CCDC85A: variants seen among roughly 807,000 people sequenced by gnomAD.
The protein encoded by CCDC85A is coiled-coil domain containing 85A.
Under a neutral mutation model 50.2 loss-of-function variants are expected in CCDC85A, and 38 were observed. The ratio of observed to expected loss-of-function variants is 0.76; its 90% CI spans 0.58 to 0.99. The LOEUF (loss-of-function observed/expected upper bound fraction) is 0.99. Among genes scored for constraint, CCDC85A ranks in the 50% least tolerant of loss-of-function variants. The probability of loss-of-function intolerance (pLI) is 0.00; values close to 1 mark genes in which losing one functional copy is unlikely to be tolerated. For missense variants in CCDC85A, 820 were observed against 742.0 expected (o/e 1.11, Z -1.22); for synonymous variants, 366 against 301.4 (o/e 1.21, Z -2.22).
At chr2:56,267,562 G>A (rs997619710) in intron 2 of CCDC85A, among the ~76,000 whole-genome samples, 2 of 152,152 alleles carry the variant, frequency 1.3e-5, no homozygotes, top group African/African-American at 4.8e-5. Context: ...ATGACTGTGG[G>A]GCGCCAACAT....
intron 2 of CCDC85A, among the ~76,000 whole-genome samples, chr2:56,322,132 A>G (rs544440244): frequency 3.3e-5 from 5 of 152,360 alleles, no homozygotes; most frequent in African/African-American, 1.2e-4. Context: ...CACCTTATAC[A>G]AAAATCAATT....
chr2:56,316,927 T>C (rs1240096077), intron 2 of CCDC85A, among the ~76,000 whole-genome samples: 5 of 152,160 alleles, frequency 3.3e-5, no homozygotes, highest in African/African-American at 1.2e-4. Flanking sequence ...TTTTTCTTTT[T>C]GTATGTCTTA....
intron 3 of CCDC85A, among the ~76,000 whole-genome samples, chr2:56,356,729 A>AGG (rs11397232): frequency 7.3e-6 from 1 of 137,820 alleles, no homozygotes; most frequent in Non-Finnish European, 1.6e-5. Flanking sequence ...TTCCATCTCA[A>AGG]GGAAAAAAAA....
intron 2 of CCDC85A, among the ~76,000 whole-genome samples, chr2:56,228,818 T>C (rs571986033): frequency 2.0e-5 from 3 of 152,058 alleles, no homozygotes; most frequent in South Asian, 2.1e-4. Flanking sequence ...CAGGCATGAG[T>C]CACCACACCA....
intron 2 of CCDC85A, among the ~76,000 whole-genome samples, chr2:56,272,958 G>A (rs1356227237): frequency 6.6e-5 from 10 of 152,070 alleles, no homozygotes; most frequent in Non-Finnish European, 1.5e-5. Flanking sequence ...AAAGAGAGAG[G>A]AAGTGAAGCC....
chr2:56,201,847 A>G (rs1204667637), intron 2 of CCDC85A, among the ~76,000 whole-genome samples: 2 of 152,314 alleles, frequency 1.3e-5, no homozygotes, highest in Admixed American at 6.5e-5. Flanking sequence ...ACTTAAAGCC[A>G]TAAAGTATAC....
At position 56,277,061 on chromosome 2, in the gene CCDC85A, G is replaced by A. The variant is rs527887544; in HGVS notation, c.1241-65818G>A. ...TGAGCTGCTGGGACTCTCTGAGGCC[G>A]CAGAGTCCTCTCTTTCTGATTATTC... On this transcript the variant is annotated intron_variant, in intron 2 of 5. Transcript: ENST00000407595. Among the ~76,000 whole-genome samples, 29 of 152,282 alleles carry A rather than the reference G, an allele frequency of 1.9e-4. No homozygotes were observed. In the Middle Eastern group the frequency reaches 0.01, roughly 54 times the overall value.
intron 2 of CCDC85A, among the ~76,000 whole-genome samples, chr2:56,203,542 C>G (rs1676832227): frequency 6.6e-6 from 1 of 152,134 alleles, no homozygotes; most frequent in South Asian, 2.1e-4. Flanking sequence ...ATAAATCTAT[C>G]TTCAGTGGAA....
chr2:56,301,527 T>C (rs559977880), intron 2 of CCDC85A, among the ~76,000 whole-genome samples: 3 of 152,288 alleles, frequency 2.0e-5, no homozygotes, highest in African/African-American at 7.2e-5. Flanking sequence ...GAATAATTAT[T>C]TTTTTGATAA....
chr2:56,229,764 T>C (rs1290727294), intron 2 of CCDC85A, among the ~76,000 whole-genome samples: 2 of 152,110 alleles, frequency 1.3e-5, no homozygotes, highest in African/African-American at 4.8e-5. Context: ...TGAAAAATGA[T>C]CAATTTTTCA....
rs539827986 is a variant in CCDC85A at position 56,189,864 on chromosome 2, T to C, written c.277-2613T>C. 8.5e-5 allele frequency among the ~76,000 whole-genome samples: 13 copies of C among 152,200 alleles called. No individual in the cohort carries two copies. In the East Asian group the frequency reaches 1.7e-3, roughly 20 times the overall value. ...GTGGGTGAGGGGAAGGAGTGGATGG[T>C]GCAAACAAAGGCAGGGAGGCTGCCT... On this transcript the variant is annotated intron_variant, in intron 1 of 5. Coordinates refer to ENST00000407595, the MANE Select transcript of CCDC85A (RefSeq NM_001080433.2).
chr2:56,255,433 T>G (rs886719139), intron 2 of CCDC85A, among the ~76,000 whole-genome samples: 1 of 151,930 alleles, frequency 6.6e-6, no homozygotes, highest in African/African-American at 2.4e-5. Flanking sequence ...GAGGAAGGGA[T>G]AGACAGGGTG....
intron 2 of CCDC85A, among the ~76,000 whole-genome samples, chr2:56,195,301 C>T (rs77474398): frequency 0.028 from 4,188 of 152,246 alleles, 198 homozygotes; most frequent in African/African-American, 0.095. Flanking sequence ...GATGACATTA[C>T]CTCATAGCTT....
At chr2:56,354,120 A>G (rs1675104960) in intron 3 of CCDC85A, among the ~76,000 whole-genome samples, 1 of 152,260 alleles carries the variant, frequency 6.6e-6, no homozygotes, top group Non-Finnish European at 1.5e-5. Context: ...GAGGCATGAC[A>G]TTTCACAGAG....
intron 2 of CCDC85A, among the ~76,000 whole-genome samples, chr2:56,247,927 C>T (rs1453602951): frequency 6.6e-6 from 1 of 152,162 alleles, no homozygotes; most frequent in Non-Finnish European, 1.5e-5. Flanking sequence ...AGGCCCAAGC[C>T]ATTCAGAGAG....
At chr2:56,286,191 AGTT>A in intron 2 of CCDC85A, among the ~76,000 whole-genome samples, 1 of 152,062 alleles carries the variant, frequency 6.6e-6, no homozygotes, top group East Asian at 1.9e-4. Flanking sequence ...TTATGTGCCT[AGTT>A]GTAATTTGTT....
intron 2 of CCDC85A, among the ~76,000 whole-genome samples, chr2:56,237,741 AT>A (rs5831405): frequency 0.52 from 78,104 of 148,882 alleles, 20,598 homozygotes; most frequent in Middle Eastern, 0.74. Context: ...CTAACCATTA[AT>A]TTTTTTTTTT....
At chr2:56,212,840 C>A (rs1253286511) in intron 2 of CCDC85A, among the ~76,000 whole-genome samples, 2 of 151,938 alleles carry the variant, frequency 1.3e-5, no homozygotes. Flanking sequence ...AGCTTCATGT[C>A]ACTGGGGACA....
chr2:56,380,688 A>G (rs1267991563), intron 5 of CCDC85A, among the ~76,000 whole-genome samples: 1 of 152,178 alleles, frequency 6.6e-6, no homozygotes, highest in East Asian at 1.9e-4. Context: ...CAACGCAATC[A>G]TTAATATGGC....
Sources: allele counts gnomAD v4.1 joint callset (sites outside exome capture counted in the v4.1 genomes callset), GRCh38; gene constraint gnomAD v4.1.1; transcripts MANE v1.5; gene names NCBI Gene and HGNC (gene_info 2026-07-23, HGNC 2026-07-21).